Variants in CPPED1 observed in about 807,000 individuals in gnomAD.
CPPED1 encodes the protein calcineurin like phosphoesterase domain containing 1.
CPPED1 carries 28 observed loss-of-function variants against 28.0 expected under a neutral mutation model. That is an observed-to-expected ratio of 1.00 (90% CI 0.74 to 1.37). CPPED1 has a LOEUF of 1.37. Among genes scored for constraint, CPPED1 ranks in the 40% most tolerant of loss-of-function variants. The pLI, the probability that CPPED1 is intolerant of heterozygous loss-of-function variation, is 0.00. For missense variants in CPPED1, 504 were observed against 416.5 expected, an observed-to-expected ratio of 1.21 and a Z score of -1.83; for synonymous variants, 198 against 180.2, an observed-to-expected ratio of 1.10 and a Z score of -0.79.
At chr16:12,677,071 T>C (rs775290864) in intron 3 of CPPED1, among the ~76,000 whole-genome samples, 14 of 152,138 alleles carry the variant, frequency 9.2e-5, no homozygotes, top group Non-Finnish European at 5.9e-5. Flanking sequence ...CAAGTGTGTC[T>C]AGGAAGCAGC....
At chr16:12,733,808 A>G (rs1021596805) in intron 2 of CPPED1, among the ~76,000 whole-genome samples, 2 of 152,222 alleles carry the variant, frequency 1.3e-5, no homozygotes, top group East Asian at 1.9e-4. Context: ...CAACAGGCCA[A>G]TGAGGAGTTG....
intron 2 of CPPED1, among the ~76,000 whole-genome samples, chr16:12,778,981 T>C (rs564895254): frequency 1.3e-5 from 2 of 152,328 alleles, no homozygotes; most frequent in Non-Finnish European, 2.9e-5. Flanking sequence ...AAAAACTATA[T>C]CTTTTAATTT....
At chr16:12,771,719 C>A (rs73508418) in intron 2 of CPPED1, among the ~76,000 whole-genome samples, 2 of 152,214 alleles carry the variant, frequency 1.3e-5, no homozygotes, top group African/African-American at 4.8e-5. Context: ...GATTGTGGAA[C>A]CACAGAAAAA....
At chr16:12,725,229 G>A (rs1223778739) in intron 2 of CPPED1, among the ~76,000 whole-genome samples, 3 of 152,254 alleles carry the variant, frequency 2.0e-5, no homozygotes, top group Admixed American at 2.0e-4. Flanking sequence ...AAGTAGCTGG[G>A]ATTACAGGCA....
At chr16:12,667,005 C>T (rs1008979959) in intron 3 of CPPED1, among the ~76,000 whole-genome samples, 3 of 150,952 alleles carry the variant, frequency 2.0e-5, no homozygotes, top group Admixed American at 6.6e-5. Flanking sequence ...ATGACTTCCC[C>T]GATATTACCA....
At position 12,690,320 on chromosome 16, in the gene CPPED1, C is replaced by G. The variant is rs541029373; in HGVS notation, c.715+14304G>C. Among the ~76,000 whole-genome samples, 57 of 151,466 alleles carry G rather than the reference C, an allele frequency of 3.8e-4. 1 individual carries two copies. The South Asian group carries it at 0.012, about 31-fold the overall frequency. On this transcript the variant is annotated intron_variant, in intron 3 of 3. Coordinates refer to ENST00000381774, the MANE Select transcript of CPPED1 (RefSeq NM_018340.3). ...TGAGCTCAGGAGTTCTCCAGACCAA[C>G]TTGGGCAACACGGTGAAACCCAGTC...
At chr16:12,690,405 T>C (rs557446320) in intron 3 of CPPED1, among the ~76,000 whole-genome samples, 1 of 151,764 alleles carries the variant, frequency 6.6e-6, no homozygotes, top group African/African-American at 2.4e-5. Context: ...TCCTGGCTAT[T>C]TGGGAGGCTG....
intron 2 of CPPED1, among the ~76,000 whole-genome samples, chr16:12,727,839 C>G (rs1052651923): frequency 6.6e-6 from 1 of 152,134 alleles, no homozygotes; most frequent in African/African-American, 2.4e-5. Flanking sequence ...GCAAAGACAC[C>G]AGAATTATAA....
intron 2 of CPPED1, among the ~76,000 whole-genome samples, chr16:12,752,659 GATATATA>G (rs963911881): frequency 6.8e-6 from 1 of 146,120 alleles, no homozygotes; most frequent in Admixed American, 6.9e-5. Flanking sequence ...TATATTATAT[GATATATA>G]ATATATATTT....
At chr16:12,765,997 G>A (rs181594148) in intron 2 of CPPED1, among the ~76,000 whole-genome samples, 74 of 152,144 alleles carry the variant, frequency 4.9e-4, no homozygotes, top group African/African-American at 1.8e-3. Flanking sequence ...GGAAATGAGT[G>A]TTTAGAGCAA....
intron 1 of CPPED1, among the ~76,000 whole-genome samples, chr16:12,795,706 C>T (rs1384017737): frequency 2.0e-5 from 3 of 152,228 alleles, no homozygotes; most frequent in Admixed American, 6.5e-5. Context: ...CTCCATGGTA[C>T]ATGAGAGCAG....
chr16:12,689,979 C>T (rs1254643795), intron 3 of CPPED1, among the ~76,000 whole-genome samples: 1 of 152,238 alleles, frequency 6.6e-6, no homozygotes, highest in Non-Finnish European at 1.5e-5. Flanking sequence ...ACCATTTTAT[C>T]AAACACAAGT....
chr16:12,770,508 A>G (rs2080463787), intron 2 of CPPED1, among the ~76,000 whole-genome samples: 1 of 152,196 alleles, frequency 6.6e-6, no homozygotes, highest in Admixed American at 6.6e-5. Context: ...TGTGCACAGT[A>G]TGATCACGTT....
rs975166634 is a variant in CPPED1, at chr16:12,682,124, C to G, written c.716-17009G>C. On this transcript the variant is annotated intron_variant, in intron 3 of 3. Coordinates refer to ENST00000381774, the MANE Select transcript of CPPED1 (RefSeq NM_018340.3). This position sits in a 1 kb window ranked among gnomAD's most constrained non-coding sequence, Gnocchi z 6.1. ...TCTTGGCTCACTGCAACTTGCGTAT[C>G]CTGGGTTCAAGCAGTTCTCCCTGCC... is the stretch of plus-strand genomic sequence containing the variant. 5.9e-5 allele frequency among the ~76,000 whole-genome samples: 9 copies of G among 152,086 alleles called. No homozygotes were observed. The highest frequency in any genetic ancestry group is 1.3e-4 in the Admixed American group (2 of 15,264).
At chr16:12,752,824 CAT>C (rs1301469587) in intron 2 of CPPED1, among the ~76,000 whole-genome samples, 8 of 147,894 alleles carry the variant, frequency 5.4e-5, no homozygotes, top group African/African-American at 1.7e-4. Flanking sequence ...CATTACATAA[CAT>C]ATATTAATTA....
intron 3 of CPPED1, among the ~76,000 whole-genome samples, chr16:12,674,232 T>C (rs1651003): frequency 0.92 from 140,104 of 152,110 alleles, 65,237 homozygotes; most frequent in African/African-American, 0.98. Context: ...AAAGAGACGG[T>C]CAGGCAGGGG....
At chr16:12,760,241 A>C (rs1377394349) in intron 2 of CPPED1, 1 of 152,218 alleles carries the variant, frequency 6.6e-6, no homozygotes, top group Non-Finnish European at 1.5e-5. Context: ...TTATATGCAA[A>C]TACCACACTA....
At chr16:12,776,332 T>C (rs1358645656) in intron 2 of CPPED1, among the ~76,000 whole-genome samples, 5 of 152,140 alleles carry the variant, frequency 3.3e-5, no homozygotes, top group Non-Finnish European at 5.9e-5. Context: ...AAGAGAACTG[T>C]TTGATTCCAC....
At chr16:12,803,463 C>G (rs2080672971) in intron 1 of CPPED1, among the ~76,000 whole-genome samples, 1 of 152,230 alleles carries the variant, frequency 6.6e-6, no homozygotes, top group Non-Finnish European at 1.5e-5. Context: ...TACTTCCCTT[C>G]TCTGGGGGAA....
Sources: gnomAD v4.1 joint callset for allele counts (sites outside exome capture counted in the v4.1 genomes callset) on GRCh38, gnomAD v4.1.1 for gene constraint, Gnocchi (gnomAD v3.1) non-coding constraint, MANE v1.5 for transcripts, NCBI Gene and HGNC (gene_info 2026-07-23, HGNC 2026-07-21) for gene names.